The following EDN2 variants were observed in gnomAD, a reference collection of about 807,000 sequenced individuals.
EDN2 encodes the protein endothelin-2.
EDN2 carries 10 observed loss-of-function variants against 19.9 expected under a neutral mutation model. The ratio of observed to expected loss-of-function variants is 0.50; its 90% CI spans 0.31 to 0.85. The LOEUF (loss-of-function observed/expected upper bound fraction) is 0.85. EDN2 is among the 40% of genes least tolerant of loss of function. The pLI is 0.05. For missense variants in EDN2, 222 were observed against 239.3 expected (o/e 0.93, Z 0.48); for synonymous variants, 84 against 94.9 (o/e 0.89, Z 0.67).
At position 41,481,097 on chromosome 1, in the gene EDN2, C is replaced by T; in HGVS notation, c.441G>A (p.Leu147=). The T allele has an allele frequency of 6.2e-7, 1 of 1,613,526 alleles. No homozygotes were observed. Among genetic ancestry groups the T allele is most frequent in the Admixed American group, 1.7e-5 (1 of 60,016 alleles). The part of the protein sequence containing the change: ...GATTGELLQR[L]RDISTVKSLF... ...GTGCATGTGTCCCACGCCCTCACCTCAGCCTTTGGAGAAGCTCTCCTGTAG... is the reference window on the plus strand; with the variant it reads ...GTGCATGTGTCCCACGCCCTCACCTTAGCCTTTGGAGAAGCTCTCCTGTAG... Residue 147 remains leucine (L), a splice_region_variant and synonymous_variant, in exon 4 of 5, where the codon CTG becomes CTA. Coordinates refer to ENST00000372587, the MANE Select transcript of EDN2 (RefSeq NM_001956.5).
At chr1:41,482,861 G>T in intron 2 of EDN2, 1 of 267,162 alleles carries the variant, frequency 3.7e-6, no homozygotes, top group Non-Finnish European at 7.0e-6. Flanking sequence ...GGCCTGGCTT[G>T]GCTCACTGAG....
Position 41,482,655 on chromosome 1 carries a change from A to AAG in EDN2, c.222-69_222-68dup, listed in dbSNP as rs567846184. 539 of 1,487,522 alleles carry AAG rather than the reference A, an allele frequency of 3.6e-4. 4 individuals are homozygous for AAG. Among genetic ancestry groups the AAG allele is most frequent in the African/African-American group, 2.8e-3 (190 of 68,410 alleles). 92.1% of individuals were successfully genotyped at this position (1,487,522 alleles called of 1,614,324 possible). A position where few individuals can be genotyped will look rare whatever the true frequency, so the allele number is the denominator to read the frequency against. Reference sequence around the variant, plus strand: ...AGAAAGAGAGAGAGAGAAAAAAATAAAGAGAGAGAGGATTAAATAAACCAC... The same window carrying AAG: ...AGAAAGAGAGAGAGAGAAAAAAATAAAGAGAGAGAGAGGATTAAATAAACCAC... On this transcript the variant is annotated intron_variant, in intron 2 of 4. Coordinates refer to ENST00000372587, the MANE Select transcript of EDN2 (RefSeq NM_001956.5).
At chr1:41,484,452 G>T (rs1047279519) in intron 1 of EDN2, 86 bp downstream of exon 1, 21 of 1,502,124 alleles carry the variant, frequency 1.4e-5, no homozygotes, top group African/African-American at 2.8e-5. Context: ...CCCCCAGCTG[G>T]CTTGGGAGGC....
intron 3 of EDN2, among the ~76,000 whole-genome samples, chr1:41,481,473 G>A (rs546984422): frequency 6.6e-5 from 10 of 152,280 alleles, no homozygotes; most frequent in Non-Finnish European, 1.5e-4. Flanking sequence ...ACTGAGGCAG[G>A]GGCGGGGCCT....
chr1:41,481,092 C>T lies in EDN2; in HGVS notation c.443+3G>A. ...AGTCTGTGCATGTGTCCCACGCCCT[C>T]ACCTCAGCCTTTGGAGAAGCTCTCC... On this transcript the variant is annotated splice_donor_region_variant and intron_variant, in intron 4 of 4. Transcript: ENST00000372587. 6.2e-7 allele frequency: 1 copy of T among 1,612,640 alleles called. No individual in the cohort carries two copies. Among genetic ancestry groups the T allele is most frequent in the Middle Eastern group, 1.7e-4 (1 of 6,060 alleles).
Position 41,482,537 on chromosome 1 carries a change from GGAGCGGC to G in EDN2, c.266_272del (p.Arg89ProfsTer57). 1 of 1,589,754 alleles carries G rather than the reference GGAGCGGC, an allele frequency of 6.3e-7. No homozygotes were observed. Among genetic ancestry groups the G allele is most frequent in the Non-Finnish European group, 8.5e-7 (1 of 1,170,280 alleles). Reference sequence around the variant, plus strand: ...TGGAGCACTGACAGCGCCTTGGCAGGGAGCGGCGCCGGCGTCTTGGCGGGTTTCCCAG... The same window carrying G: ...TGGAGCACTGACAGCGCCTTGGCAGGGCCGGCGTCTTGGCGGGTTTCCCAG... On this transcript the variant is annotated frameshift_variant, in exon 3 of 5. Transcript: ENST00000372587. LOFTEE classifies it high-confidence loss of function.
intron 2 of EDN2, 114 bp from the exon 3 acceptor site, chr1:41,482,702 G>C: frequency 7.4e-6 from 10 of 1,355,402 alleles, no homozygotes; most frequent in Non-Finnish European, 9.6e-6. Context: ...AGCAGGGACT[G>C]TCCACACTGC....
chr1:41,479,125 C>G lies in EDN2; in HGVS notation c.*284G>C, dbSNP rs1245935563. 1.9e-5 allele frequency: 10 copies of G among 513,224 alleles called. No individual in the cohort carries two copies. In the East Asian group the frequency reaches 2.0e-4, roughly 10 times the overall value. 31.8% of individuals were successfully genotyped at this position (513,224 alleles called of 1,614,324 possible). Reference sequence around the variant, plus strand: ...AGGACGCAGCCTCCAGATGAATGTACTCCCCATGCAGTTCTTCCAGCAGAG... The same window carrying G: ...AGGACGCAGCCTCCAGATGAATGTAGTCCCCATGCAGTTCTTCCAGCAGAG... On this transcript the variant is annotated 3_prime_UTR_variant, in exon 5 of 5. Coordinates refer to ENST00000372587, the MANE Select transcript of EDN2 (RefSeq NM_001956.5).
rs56330927 is a variant in EDN2 at position 41,484,419 on chromosome 1, C to T, written c.64+119G>A. On this transcript the variant is annotated intron_variant, in intron 1 of 4. Transcript: ENST00000372587. The stretch of plus-strand genomic sequence containing the variant: ...AGAACCTTTCCCCTGCCACCACTGC[C>T]GCCAGGCTCCCGCCCCTGTCTGCCC... 1,644 of 1,401,694 alleles carry T rather than the reference C, an allele frequency of 1.2e-3. 4 individuals are homozygous for T. The highest frequency in any genetic ancestry group is 1.5e-3 in the Non-Finnish European group (1,519 of 1,036,942). 86.8% of individuals were successfully genotyped at this position (1,401,694 alleles called of 1,614,324 possible).
chr1:41,479,037 G>A lies in EDN2; in HGVS notation c.*372C>T, dbSNP rs1373442803. The A allele has an allele frequency of 2.8e-6, 1 of 356,264 alleles. No homozygotes were observed. Among genetic ancestry groups the A allele is most frequent in the Admixed American group, 3.7e-5 (1 of 26,692 alleles). The allele number at this position is 356,264 out of a possible 1,614,324, so 22.1% of individuals were successfully genotyped here. On this transcript the variant is annotated 3_prime_UTR_variant, in exon 5 of 5. Coordinates refer to ENST00000372587, the MANE Select transcript of EDN2 (RefSeq NM_001956.5). ...CATCCAGCCTCCAGGGCTGGCTGAG[G>A]CATGCGTGTTCGTGGCTGCACGGTT...
intron 4 of EDN2, 74 bp from the exon 5 acceptor site, chr1:41,479,576 G>A: frequency 7.6e-7 from 1 of 1,317,240 alleles, no homozygotes; most frequent in East Asian, 2.3e-5. Context: ...GAGAGCAGGG[G>A]CAATGGGGCT....
intron 4 of EDN2, chr1:41,480,721 A>G: frequency 2.1e-6 from 1 of 475,284 alleles, no homozygotes; most frequent in Non-Finnish European, 4.2e-6. Flanking sequence ...CAGGGAGGAG[A>G]TGCAATCTGG....
Position 41,479,436 on chromosome 1 carries a change from G to A in EDN2, c.510C>T (p.Ser170=). Residue 170 remains serine, a synonymous_variant, in exon 5 of 5, where the codon TCC becomes TCT. Transcript: ENST00000372587. ...ATCTCTTCCTCCACCTGGAATGTGT[G>A]GACCGAGGCTCCCGCATGGCCTCCT... The part of the protein sequence containing the change: ...RQQEAMREPR[S]THSRWRKR 1 of 1,613,996 alleles carries A rather than the reference G, an allele frequency of 6.2e-7. No homozygotes were observed. The highest frequency in any genetic ancestry group is 1.1e-5 in the South Asian group (1 of 91,070).
At chr1:41,481,535 G>A (rs1644247538) in intron 3 of EDN2, among the ~76,000 whole-genome samples, 1 of 90,418 alleles carries the variant, frequency 1.1e-5, no homozygotes, top group Non-Finnish European at 2.2e-5. Context: ...GGGAACTGGA[G>A]CTTGGGATTT....
intron 2 of EDN2, 124 bp from the exon 3 acceptor site, chr1:41,482,712 C>T (rs2149038281): frequency 1.5e-6 from 2 of 1,298,580 alleles, no homozygotes; most frequent in East Asian, 6.1e-5. Context: ...GTCCACACTG[C>T]CCACTGGGAC....
At chr1:41,480,208 G>C (rs560366228) in intron 4 of EDN2, among the ~76,000 whole-genome samples, 1 of 152,332 alleles carries the variant, frequency 6.6e-6, no homozygotes, top group African/African-American at 2.4e-5. Flanking sequence ...TTCTCAGAAA[G>C]TTCCTAAGTA....
Position 41,484,542 on chromosome 1 carries a change from A to G in EDN2, c.60T>C (p.His20=), listed in dbSNP as rs1266419919. 1.3e-6 allele frequency: 2 copies of G among 1,555,038 alleles called. No homozygotes were observed. The highest frequency in any genetic ancestry group is 2.7e-5 in the African/African-American group (2 of 73,192). ...GGTGAGGCCAGGGCAGCTCACCTTC[A>G]TGCAGGGCCACGAGCAGGGCTAGCG... The part of the protein sequence containing the change: ...SVALALLVAL[H]EGKGQAAATL... Residue 20 remains histidine, a synonymous_variant, in exon 1 of 5, where the codon CAT becomes CAC. Transcript: ENST00000372587.
In EDN2 at chr1:41,482,270, G is replaced by C. The variant is rs537410905; in HGVS notation, c.344+196C>G. ...CCAGAAGCCCCCAGAGCTGGGCACC[G>C]GGAGGCCCCCATGGGTGACTGGTTC... On this transcript the variant is annotated intron_variant, in intron 3 of 4. Coordinates refer to ENST00000372587, the MANE Select transcript of EDN2 (RefSeq NM_001956.5). 3.3e-5 allele frequency among the ~76,000 whole-genome samples: 5 copies of C among 152,322 alleles called. No individual in the cohort carries two copies. In the South Asian group the frequency reaches 1.0e-3, roughly 32 times the overall value.
In EDN2 at chr1:41,481,542, A is replaced by ATTTT. The variant is rs369964181; in HGVS notation, c.345-353_345-350dup. On this transcript the variant is annotated intron_variant, in intron 3 of 4. Coordinates refer to ENST00000372587, the MANE Select transcript of EDN2 (RefSeq NM_001956.5). ...ACCATCATGGGAACTGGAGCTTGGG[A>ATTTT]TTTTTTTTTTTTTTGAGACTGAGTT... is the stretch of plus-strand genomic sequence containing the variant. 3.4e-3 allele frequency among the ~76,000 whole-genome samples: 494 copies of ATTTT among 144,494 alleles called. 3 individuals are homozygous for ATTTT. Among genetic ancestry groups the ATTTT allele is most frequent in the African/African-American group, 0.012 (456 of 39,374 alleles). The allele number at this position is 144,494 out of a possible 152,430, so 94.8% of individuals were successfully genotyped here.
Sources: allele counts gnomAD v4.1 joint callset (sites outside exome capture counted in the v4.1 genomes callset), GRCh38; gene constraint gnomAD v4.1.1; transcripts MANE v1.5; gene names NCBI Gene and HGNC (gene_info 2026-07-23, HGNC 2026-07-21).